The following PTPRD variants were observed in gnomAD, a reference collection of about 807,000 sequenced individuals.
PTPRD encodes the protein protein tyrosine phosphatase receptor type D, also known as receptor-type tyrosine-protein phosphatase delta.
Under a neutral mutation model 214.5 loss-of-function variants are expected in PTPRD, and 34 were observed. That is an observed-to-expected ratio of 0.16 (90% CI 0.12 to 0.21). The LOEUF (loss-of-function observed/expected upper bound fraction) is 0.21, where lower values mean the gene tolerates loss of function less well. PTPRD is among the 10% of genes least tolerant of loss of function. The pLI, the probability that PTPRD is intolerant of heterozygous loss-of-function variation, is 1.00. For synonymous variants in PTPRD, 1,128 were observed against 845.7 expected (o/e 1.33, Z -5.79); for missense variants, 2,545 against 2,398.7 (o/e 1.06, Z -1.27).
chr9:9,739,173 G>A (rs545929496), intron 6 of PTPRD, among the ~76,000 whole-genome samples: 3 of 152,136 alleles, frequency 2.0e-5, no homozygotes, highest in Admixed American at 6.5e-5. Flanking sequence ...GTATATGCAC[G>A]TATACATTTT....
intron 39 of PTPRD, among the ~76,000 whole-genome samples, chr9:8,353,820 ATATGTATATATGT>A (rs2076169532): frequency 1.2e-4 from 1 of 8,092 alleles, no homozygotes; most frequent in African/African-American, 4.4e-4. Flanking sequence ...AAAAAAAAAT[ATATGTATATATGT>A]ATATATGTAT....
intron 2 of PTPRD, among the ~76,000 whole-genome samples, chr9:10,391,667 G>C (rs914062221): frequency 6.6e-6 from 1 of 151,588 alleles, no homozygotes; most frequent in African/African-American, 2.4e-5. Context: ...CTGATTACTT[G>C]GACCTCTGCT....
intron 11 of PTPRD, among the ~76,000 whole-genome samples, chr9:8,774,351 A>T (rs1030226673): frequency 1.3e-5 from 2 of 152,070 alleles, no homozygotes; most frequent in African/African-American, 4.8e-5. Flanking sequence ...AAATCCTAAA[A>T]CATGAAAGAC....
At chr9:9,536,300 G>A (rs1272967371) in intron 8 of PTPRD, among the ~76,000 whole-genome samples, 1 of 151,908 alleles carries the variant, frequency 6.6e-6, no homozygotes, top group Non-Finnish European at 1.5e-5. Flanking sequence ...CACAAACAAT[G>A]TGGACTCAAA....
chr9:8,560,898 G>A (rs995709225), intron 14 of PTPRD, among the ~76,000 whole-genome samples: 1 of 149,568 alleles, frequency 6.7e-6, no homozygotes, highest in Non-Finnish European at 1.5e-5. Context: ...TAGCCTAAGT[G>A]TAAATAAAGA....
intron 10 of PTPRD, among the ~76,000 whole-genome samples, chr9:9,155,238 C>G (rs2099880212): frequency 6.6e-6 from 1 of 152,036 alleles, no homozygotes; most frequent in Admixed American, 6.6e-5. Flanking sequence ...AATCTAGTAA[C>G]TAGATTTTTT....
At chr9:9,351,816 G>C (rs1254094830) in intron 9 of PTPRD, among the ~76,000 whole-genome samples, 1 of 151,950 alleles carries the variant, frequency 6.6e-6, no homozygotes, top group African/African-American at 2.4e-5. Context: ...TAGTCATTTT[G>C]GACTCATTGT....
intron 4 of PTPRD, among the ~76,000 whole-genome samples, chr9:9,964,100 A>C (rs1406598916): frequency 1.3e-5 from 2 of 152,046 alleles, no homozygotes; most frequent in African/African-American, 4.8e-5. Context: ...ACAGACAAAG[A>C]CAGAGACAGA....
chr9:9,829,319 C>G (rs2054034136), intron 5 of PTPRD, among the ~76,000 whole-genome samples: 2 of 151,710 alleles, frequency 1.3e-5, no homozygotes, highest in Non-Finnish European at 1.5e-5. Flanking sequence ...TCTATAAGAA[C>G]TGATCTGTGA....
At chr9:10,529,644 C>T (rs1010108420) in intron 2 of PTPRD, among the ~76,000 whole-genome samples, 1 of 151,258 alleles carries the variant, frequency 6.6e-6, no homozygotes. Flanking sequence ...GTGCAGCAAA[C>T]CACCATGGCA....
chr9:9,016,752 G>C (rs1362037529), intron 11 of PTPRD, among the ~76,000 whole-genome samples: 1 of 152,148 alleles, frequency 6.6e-6, no homozygotes, highest in Non-Finnish European at 1.5e-5. Flanking sequence ...CTTGCAGGGA[G>C]CTAGAACCCA....
At chr9:9,247,729 A>G (rs988470934) in intron 9 of PTPRD, among the ~76,000 whole-genome samples, 1 of 151,968 alleles carries the variant, frequency 6.6e-6, no homozygotes, top group Non-Finnish European at 1.5e-5. Context: ...ATCCCACACA[A>G]TAGTAGTTCT....
At chr9:9,050,240 A>G (rs1014366478) in intron 10 of PTPRD, among the ~76,000 whole-genome samples, 2 of 152,236 alleles carry the variant, frequency 1.3e-5, no homozygotes, top group Non-Finnish European at 2.9e-5. Flanking sequence ...AGCATTGTTC[A>G]ATGTACTGAT....
intron 11 of PTPRD, among the ~76,000 whole-genome samples, chr9:8,862,931 G>T (rs2098131614): frequency 6.6e-6 from 1 of 152,174 alleles, no homozygotes; most frequent in Non-Finnish European, 1.5e-5. Context: ...GGGTGGTGGG[G>T]GGGAGGGAGA....
At chr9:10,482,175 G>A (rs1953590) in intron 2 of PTPRD, among the ~76,000 whole-genome samples, 1 of 151,772 alleles carries the variant, frequency 6.6e-6, no homozygotes, top group Non-Finnish European at 1.5e-5. Flanking sequence ...ATTGAGACCA[G>A]CCCGGCTAAC....
At chr9:8,656,287 G>T (rs953176778) in intron 12 of PTPRD, among the ~76,000 whole-genome samples, 1 of 152,060 alleles carries the variant, frequency 6.6e-6, no homozygotes, top group Admixed American at 6.6e-5. Flanking sequence ...TTGTGTATTT[G>T]TTAAGACTAT....
Position 8,523,497 on chromosome 9 carries a change from T to TA in PTPRD, c.691+15dup, listed in dbSNP as rs764662829. On this transcript the variant is annotated intron_variant, in intron 19 of 45. Transcript: ENST00000381196. ...ATAGTTTTGTAAGGTGGGTAAAAAG[T>TA]AAAAAACACACCAACCTTCTCGCAG... The TA allele has an allele frequency of 4.3e-6, 7 of 1,612,728 alleles. No homozygotes were observed. Among genetic ancestry groups the TA allele is most frequent in the East Asian group, 2.2e-5 (1 of 44,780 alleles).
chr9:10,580,792 G>A (rs757635427), intron 2 of PTPRD, among the ~76,000 whole-genome samples: 2 of 152,130 alleles, frequency 1.3e-5, no homozygotes, highest in Non-Finnish European at 2.9e-5. Context: ...CATAGTCAGA[G>A]TATCTGATCC....
intron 5 of PTPRD, among the ~76,000 whole-genome samples, chr9:9,801,281 T>A (rs73396849): frequency 0.014 from 2,166 of 152,104 alleles, 51 homozygotes; most frequent in African/African-American, 0.049. Context: ...GCTACTAGCT[T>A]TAAGCTGACC....
Sources: allele counts gnomAD v4.1 joint callset (sites outside exome capture counted in the v4.1 genomes callset), GRCh38; gene constraint gnomAD v4.1.1; transcripts MANE v1.5; gene names NCBI Gene and HGNC (gene_info 2026-07-23, HGNC 2026-07-21).